The following CAPSL variants were observed in gnomAD, a reference collection of about 807,000 sequenced individuals.
The protein encoded by CAPSL is calcyphosin-like protein.
A neutral mutation model predicts 21.3 loss-of-function variants in CAPSL; 17 were observed. The ratio of observed to expected loss-of-function variants is 0.80; its 90% CI spans 0.55 to 1.20. The LOEUF (loss-of-function observed/expected upper bound fraction) is 1.20. CAPSL is among the 50% of genes most tolerant of loss of function. The pLI is 0.00. For synonymous variants in CAPSL, 102 were observed against 89.3 expected, an observed-to-expected ratio of 1.14 and a Z score of -0.80; for missense variants, 289 against 259.3, an observed-to-expected ratio of 1.11 and a Z score of -0.79.
intron 1 of CAPSL, among the ~76,000 whole-genome samples, chr5:35,925,681 C>A (rs544338456): frequency 2.0e-5 from 3 of 151,962 alleles, no homozygotes; most frequent in Non-Finnish European, 4.4e-5. Flanking sequence ...GGGAAAAATT[C>A]TTCTTAAAAA....
chr5:35,905,482 G>A (rs1482816041), intron 4 of CAPSL, among the ~76,000 whole-genome samples: 1 of 152,144 alleles, frequency 6.6e-6, no homozygotes, highest in African/African-American at 2.4e-5. Context: ...AAAGTCACTG[G>A]ATCCACAGTT....
chr5:35,913,475 C>T (rs1738287574), intron 2 of CAPSL, among the ~76,000 whole-genome samples: 1 of 152,118 alleles, frequency 6.6e-6, no homozygotes, highest in African/African-American at 2.4e-5. Flanking sequence ...AGGTTACCCA[C>T]AAAGGGAAGC....
intron 2 of CAPSL, 108 bp from the exon 3 acceptor site, chr5:35,910,651 A>G: frequency 1.2e-6 from 1 of 852,620 alleles, no homozygotes. Flanking sequence ...TAAAATACAA[A>G]AGTCTTAAAT....
intron 1 of CAPSL, among the ~76,000 whole-genome samples, chr5:35,930,092 T>C (rs1414232296): frequency 6.6e-6 from 1 of 152,240 alleles, no homozygotes; most frequent in Non-Finnish European, 1.5e-5. Flanking sequence ...TTTGTTTGGA[T>C]TGTCAACTTC....
chr5:35,908,305 A>G (rs1304785746), intron 4 of CAPSL, among the ~76,000 whole-genome samples: 2 of 152,324 alleles, frequency 1.3e-5, no homozygotes, highest in Admixed American at 6.5e-5. Flanking sequence ...GATGATTATG[A>G]ACAGCCAGAG....
chr5:35,937,109 A>G (rs1738968635), intron 1 of CAPSL, among the ~76,000 whole-genome samples: 1 of 152,186 alleles, frequency 6.6e-6, no homozygotes. Context: ...TGCCATGGAT[A>G]CTGACTCAGC....
At chr5:35,919,155 C>T (rs1213775837) in intron 2 of CAPSL, among the ~76,000 whole-genome samples, 1 of 50,014 alleles carries the variant, frequency 2.0e-5, no homozygotes, top group Non-Finnish European at 4.2e-5. Flanking sequence ...AGTATCTTTC[C>T]TGATTAAAAA....
intron 2 of CAPSL, 89 bp from the exon 3 acceptor site, chr5:35,910,632 T>G: frequency 1.0e-6 from 1 of 1,003,698 alleles, no homozygotes; most frequent in South Asian, 1.8e-5. Flanking sequence ...ACTCAAGGTT[T>G]CGTCAAATTA....
At chr5:35,931,004 A>G (rs115925879) in intron 1 of CAPSL, among the ~76,000 whole-genome samples, 19 of 152,292 alleles carry the variant, frequency 1.2e-4, no homozygotes, top group African/African-American at 4.6e-4. Context: ...AATCATATCC[A>G]TGCCAACTTA....
At chr5:35,921,314 A>ATC (rs2149926057) in intron 1 of CAPSL, among the ~76,000 whole-genome samples, 194 bp from the exon 2 acceptor site, 1 of 152,330 alleles carries the variant, frequency 6.6e-6, no homozygotes, top group South Asian at 2.1e-4. Flanking sequence ...TCCTGAGGAC[A>ATC]TCTGGTTTCT....
chr5:35,919,170 A>AAAAAAAAAT (rs754098152), intron 2 of CAPSL, among the ~76,000 whole-genome samples: 93 of 121,272 alleles, frequency 7.7e-4, no homozygotes, highest in Admixed American at 5.7e-3. Context: ...TAAAAAAAAA[A>AAAAAAAAAT]ATATATATAT....
chr5:35,936,140 C>G (rs986016539), intron 1 of CAPSL, among the ~76,000 whole-genome samples: 8 of 152,114 alleles, frequency 5.3e-5, no homozygotes, highest in East Asian at 3.9e-4. Context: ...ATGGAACCAC[C>G]AGTTATGAAC....
chr5:35,914,326 C>A (rs1282239429), intron 2 of CAPSL, among the ~76,000 whole-genome samples: 1 of 152,110 alleles, frequency 6.6e-6, no homozygotes, highest in South Asian at 2.1e-4. Flanking sequence ...CAAAGATATC[C>A]AGGAATTGAA....
At chr5:35,924,094 C>T (rs1348501936) in intron 1 of CAPSL, among the ~76,000 whole-genome samples, 1 of 152,038 alleles carries the variant, frequency 6.6e-6, no homozygotes, top group Non-Finnish European at 1.5e-5. Context: ...GAAAAACAAG[C>T]CTATGAGCTA....
At chr5:35,929,792 A>T (rs1738776187) in intron 1 of CAPSL, among the ~76,000 whole-genome samples, 1 of 152,132 alleles carries the variant, frequency 6.6e-6, no homozygotes, top group Non-Finnish European at 1.5e-5. Context: ...AATCTGGGCC[A>T]CTCACAGTCC....
At chr5:35,922,065 T>C (rs1269806120) in intron 1 of CAPSL, among the ~76,000 whole-genome samples, 1 of 53,996 alleles carries the variant, frequency 1.9e-5, no homozygotes, top group African/African-American at 5.8e-5. Context: ...CAGCATGCAA[T>C]GTGCAGAAAA....
chr5:35,904,757 T>G, intron 4 of CAPSL, 111 bp from the exon 5 acceptor site: 1 of 1,490,562 alleles, frequency 6.7e-7, no homozygotes, highest in Non-Finnish European at 9.0e-7. Context: ...TCTTTGTGTA[T>G]GTGATCATGG....
At position 35,910,035 on chromosome 5, in the gene CAPSL, G is replaced by A; in HGVS notation, c.356C>T (p.Ala119Val). ...TCCAGTCTTGTCTAACTTTCTAAAA[G>A]CTTGCATGATTACCTCTTTTCTGGC... ...SRARKEVIMQ[A>V]FRKLDKTGDG... The change falls in exon 4 of 5, where the codon GCT (alanine) becomes GTT (valine). Residue 119 changes from alanine (A) to valine (V), a missense_variant. By Grantham distance (64) the Ala-to-Val change is moderately conservative. Coordinates refer to ENST00000651391, the MANE Select transcript of CAPSL (RefSeq NM_001042625.2). The A allele has an allele frequency of 6.2e-7, 1 of 1,612,880 alleles. No homozygotes were observed. The highest frequency in any genetic ancestry group is 8.5e-7 in the Non-Finnish European group (1 of 1,179,630).
intron 1 of CAPSL, among the ~76,000 whole-genome samples, chr5:35,935,452 C>T (rs1458041305): frequency 6.6e-6 from 1 of 152,020 alleles, no homozygotes; most frequent in Non-Finnish European, 1.5e-5. Context: ...CCCACCGAAA[C>T]CTCCCGAGTA....
Sources: allele counts gnomAD v4.1 joint callset (sites outside exome capture counted in the v4.1 genomes callset), GRCh38; gene constraint gnomAD v4.1.1; transcripts MANE v1.5; gene names NCBI Gene and HGNC (gene_info 2026-07-23, HGNC 2026-07-21).